The following DLGAP2 variants were observed in gnomAD, a reference collection of about 807,000 sequenced individuals.
DLGAP2 encodes the protein DLG associated protein 2.
A neutral mutation model predicts 100.3 loss-of-function variants in DLGAP2; 26 were observed. That is an observed-to-expected ratio of 0.26 (90% CI 0.19 to 0.36). The LOEUF (loss-of-function observed/expected upper bound fraction) is 0.36, where lower values mean the gene tolerates loss of function less well. Ranked by LOEUF, DLGAP2 falls within the 10% of genes least tolerant of loss-of-function variation. The pLI is 1.00. For missense variants in DLGAP2, 1,858 were observed against 1,453.2 expected (o/e 1.28, Z -4.53); for synonymous variants, 886 against 630.1 (o/e 1.41, Z -6.08).
chr8:1,565,440 C>G (rs1175895947), intron 5 of DLGAP2: 2 of 404,610 alleles, frequency 4.9e-6, no homozygotes, highest in African/African-American at 4.1e-5. Flanking sequence ...TCTTCTCTTA[C>G]TTTTCTCACA....
rs530831706 is a variant in DLGAP2 at position 1,595,388 on chromosome 8, G to C, written c.1442+29494G>C. ...TGAAGTCAAGAAATAGGTCGGCCGGGCGCGGTGGCTCACGCCTGTAATCCC... is the reference window on the plus strand; with the variant it reads ...TGAAGTCAAGAAATAGGTCGGCCGGCCGCGGTGGCTCACGCCTGTAATCCC... On this transcript the variant is annotated intron_variant, in intron 6 of 14. Transcript: ENST00000637795. Among the ~76,000 whole-genome samples the C allele has an allele frequency of 2.6e-5, 4 of 152,196 alleles. No individual in the cohort carries two copies. In the South Asian group the frequency reaches 8.3e-4, roughly 32 times the overall value.
rs537745335 is a variant in DLGAP2 at position 1,535,549 on chromosome 8, C to A, written c.173-13077C>A. Among the ~76,000 whole-genome samples, 12 of 152,350 alleles carry A rather than the reference C, an allele frequency of 7.9e-5. No homozygotes were observed. In the South Asian group the frequency reaches 2.5e-3, roughly 32 times the overall value. On this transcript the variant is annotated intron_variant, in intron 4 of 14. Coordinates refer to ENST00000637795, the MANE Select transcript of DLGAP2 (RefSeq NM_001346810.2). ...AGCGGTCAGATGGGCATGCCTGGCA[C>A]ACACGTTGTTGTGAACTCTTGCATT... is the stretch of plus-strand genomic sequence containing the variant.
intron 2 of DLGAP2, among the ~76,000 whole-genome samples, chr8:1,193,791 A>G (rs930906287): frequency 2.0e-5 from 3 of 150,804 alleles, no homozygotes; most frequent in African/African-American, 7.3e-5. Context: ...CCTCCGCACC[A>G]TGCCCCCTGC....
At chr8:1,638,444 C>T (rs1797820069) in intron 8 of DLGAP2, among the ~76,000 whole-genome samples, 2 of 152,088 alleles carry the variant, frequency 1.3e-5, no homozygotes, top group Admixed American at 6.5e-5. Flanking sequence ...GACTCACAGC[C>T]TCCATGACAT....
chr8:1,587,284 A>G (rs1238640392), intron 6 of DLGAP2, among the ~76,000 whole-genome samples: 4 of 152,228 alleles, frequency 2.6e-5, no homozygotes, highest in African/African-American at 9.6e-5. Flanking sequence ...CTTCTCAGGA[A>G]AAATAACTTT....
chr8:1,357,110 C>G (rs76691711), intron 3 of DLGAP2, among the ~76,000 whole-genome samples: 1 of 151,516 alleles, frequency 6.6e-6, no homozygotes, highest in African/African-American at 2.4e-5. Flanking sequence ...CCACCCAAAA[C>G]TAATATACAG....
chr8:999,785 G>A (rs1282369529), intron 2 of DLGAP2, among the ~76,000 whole-genome samples: 1 of 152,196 alleles, frequency 6.6e-6, no homozygotes, highest in African/African-American at 2.4e-5. Flanking sequence ...GGCTGGTGGT[G>A]TGGTTTTAAT....
At chr8:820,543 T>C (rs7460863) in intron 1 of DLGAP2, among the ~76,000 whole-genome samples, 30,606 of 152,198 alleles carry the variant, frequency 0.2, 3,812 homozygotes, top group Admixed American at 0.39. Flanking sequence ...CAGAAATTTG[T>C]TTGCTCAATA....
intron 5 of DLGAP2, among the ~76,000 whole-genome samples, chr8:1,564,640 T>G (rs148874500): frequency 6.6e-6 from 1 of 152,282 alleles, no homozygotes; most frequent in East Asian, 1.9e-4. Flanking sequence ...ACATGCACAG[T>G]TGCTCAGTTT....
intron 6 of DLGAP2, among the ~76,000 whole-genome samples, chr8:1,594,049 G>C (rs1796370593): frequency 6.6e-6 from 1 of 152,154 alleles, no homozygotes; most frequent in Non-Finnish European, 1.5e-5. Flanking sequence ...CCCTGATTCA[G>C]GCAGAGCAAA....
At chr8:1,349,641 C>G (rs1339632773) in intron 3 of DLGAP2, among the ~76,000 whole-genome samples, 2 of 66,590 alleles carry the variant, frequency 3.0e-5, no homozygotes, top group African/African-American at 8.5e-5. Context: ...CGCCCACATC[C>G]ACACACAGGT....
rs144013102 is a variant in DLGAP2 at position 1,264,324 on chromosome 8, G to A, written c.106+5441G>A. Among the ~76,000 whole-genome samples the A allele has an allele frequency of 7.6e-3, 1,155 of 152,202 alleles. 13 individuals are homozygous for A. Among genetic ancestry groups the A allele is most frequent in the South Asian group, 0.047 (225 of 4,800 alleles). The stretch of plus-strand genomic sequence containing the variant: ...GTCTGTGCCCTGTCAGGTAGGGGTG[G>A]TGGAAACACTGTAATTGAGCCCCTT... On this transcript the variant is annotated intron_variant, in intron 3 of 14. Transcript: ENST00000637795.
rs371441823 is a variant in DLGAP2 at position 1,626,852 on chromosome 8, G to C, written c.1555G>C (p.Val519Leu). 1.2e-6 allele frequency: 2 copies of C among 1,606,442 alleles called. No individual in the cohort carries two copies. Among genetic ancestry groups the C allele is most frequent in the Non-Finnish European group, 1.7e-6 (2 of 1,176,678 alleles). ...RSRNQSYMRA[V>L]STLSQASCVS... ...CCGGAACCAGAGCTACATGAGGGCC[G>C]TCAGCACCCTGAGCCAGGCCAGCTG... The change falls in exon 7 of 15, where the codon GTC becomes CTC. Residue 519 changes from valine to leucine, a missense_variant. Physicochemically the swap from Val to Leu is conservative, Grantham distance 32. Transcript: ENST00000637795.
At chr8:785,381 C>A (rs1821818999) in intron 1 of DLGAP2, among the ~76,000 whole-genome samples, 1 of 150,008 alleles carries the variant, frequency 6.7e-6, no homozygotes, top group Non-Finnish European at 1.5e-5. Context: ...ACCTCATGCC[C>A]CTCTGAGACC....
intron 3 of DLGAP2, among the ~76,000 whole-genome samples, chr8:1,356,947 C>T (rs373160692): frequency 6.6e-5 from 10 of 152,306 alleles, no homozygotes; most frequent in East Asian, 1.9e-4. Flanking sequence ...TCGGCAAACC[C>T]GCGAGCAGCT....
At chr8:1,226,989 C>A (rs914903218) in intron 2 of DLGAP2, among the ~76,000 whole-genome samples, 4 of 150,804 alleles carry the variant, frequency 2.7e-5, no homozygotes, top group African/African-American at 9.8e-5. Flanking sequence ...ACCCTATGAC[C>A]CTGCAACCTG....
chr8:1,197,452 A>G (rs79613089), intron 2 of DLGAP2, among the ~76,000 whole-genome samples: 8,707 of 152,300 alleles, frequency 0.057, 727 homozygotes, highest in African/African-American at 0.18. Flanking sequence ...GGGCTACTTC[A>G]TAGCCCAGGG....
chr8:1,060,515 T>C (rs1803048914), intron 2 of DLGAP2, among the ~76,000 whole-genome samples: 1 of 151,728 alleles, frequency 6.6e-6, no homozygotes, highest in Non-Finnish European at 1.5e-5. Context: ...GGTCTCTGTG[T>C]CCTGAGCGTC....
At chr8:1,038,313 A>G (rs1049069956) in intron 2 of DLGAP2, among the ~76,000 whole-genome samples, 8 of 152,126 alleles carry the variant, frequency 5.3e-5, no homozygotes, top group Non-Finnish European at 8.8e-5. Context: ...CTTGGGCTCA[A>G]TTATGGGCAA....
Sources: gnomAD v4.1 joint callset for allele counts (sites outside exome capture counted in the v4.1 genomes callset) on GRCh38, gnomAD v4.1.1 for gene constraint, MANE v1.5 for transcripts, NCBI Gene and HGNC (gene_info 2026-07-23, HGNC 2026-07-21) for gene names.